Variants in VXN observed in about 807,000 individuals in gnomAD.
VXN encodes the protein uncharacterized protein C8orf46.
In VXN, 7 loss-of-function variants were observed where a neutral mutation model predicts 23.1. The ratio of observed to expected loss-of-function variants is 0.30; its 90% CI spans 0.17 to 0.57. VXN has a LOEUF of 0.57. VXN is among the 20% of genes least tolerant of loss of function. VXN has a pLI of 0.91. For synonymous variants in VXN, 120 were observed against 105.8 expected (o/e 1.13, Z -0.83); for missense variants, 238 against 272.6 (o/e 0.87, Z 0.89).
intron 2 of VXN, among the ~76,000 whole-genome samples, chr8:66,497,005 C>T (rs1807634495): frequency 6.6e-6 from 1 of 152,218 alleles, no homozygotes; most frequent in Non-Finnish European, 1.5e-5. Flanking sequence ...CTGCCTCAGC[C>T]TCCCAAGTAG....
At chr8:66,500,510 A>G (rs1455516422) in intron 2 of VXN, among the ~76,000 whole-genome samples, 1 of 152,166 alleles carries the variant, frequency 6.6e-6, no homozygotes, top group African/African-American at 2.4e-5. Flanking sequence ...ACTTTTGCCT[A>G]TATTTCTCTC....
chr8:66,509,142 C>T (rs1404726534), intron 3 of VXN, among the ~76,000 whole-genome samples: 1 of 152,182 alleles, frequency 6.6e-6, no homozygotes, highest in African/African-American at 2.4e-5. Flanking sequence ...ATAGTTTAAT[C>T]TTGGTAGTCT....
chr8:66,513,681 G>C (rs759241081), intron 5 of VXN, 44 bp downstream of exon 5: 15 of 1,526,906 alleles, frequency 9.8e-6, no homozygotes, highest in Admixed American at 5.3e-5. Flanking sequence ...GCCTCCCACT[G>C]TCCTGATCCT....
chr8:66,503,708 A>G (rs558521719), intron 2 of VXN, among the ~76,000 whole-genome samples: 5 of 152,156 alleles, frequency 3.3e-5, no homozygotes, highest in Admixed American at 6.5e-5. Context: ...TCAGGATGCT[A>G]AAGAGCCTCT....
In VXN at chr8:66,510,194, G is replaced by C. The variant is rs192379475; in HGVS notation, c.342+37G>C. 2.1e-5 allele frequency: 32 copies of C among 1,530,054 alleles called. No homozygotes were observed. In the East Asian group the frequency reaches 4.5e-4, roughly 22 times the overall value. The allele number at this position is 1,530,054 out of a possible 1,614,324, so 94.8% of individuals were successfully genotyped here. On this transcript the variant is annotated intron_variant, in intron 4 of 5. Coordinates refer to ENST00000305454, the MANE Select transcript of VXN (RefSeq NM_152765.4). The stretch of plus-strand genomic sequence containing the variant: ...AAGCCTGCTTAGTTGTATCTGTTGT[G>C]CATTAAACTTCTGGTCATGTCTGAT...
chr8:66,505,312 G>C, intron 2 of VXN, 63 bp from the exon 3 acceptor site: 1 of 1,550,556 alleles, frequency 6.4e-7, no homozygotes, highest in South Asian at 1.2e-5. Context: ...CCTGCCCTGG[G>C]GTTCCATGGG....
intron 2 of VXN, among the ~76,000 whole-genome samples, chr8:66,500,795 T>G (rs147938816): frequency 4.6e-4 from 70 of 152,240 alleles, no homozygotes; most frequent in African/African-American, 1.5e-3. Flanking sequence ...AGTTTTCAGT[T>G]TCTGTTCTGT....
intron 3 of VXN, among the ~76,000 whole-genome samples, chr8:66,506,416 A>AT (rs534690802): frequency 4.7e-5 from 7 of 149,992 alleles, no homozygotes; most frequent in African/African-American, 7.3e-5. Context: ...CTTGGATGCT[A>AT]TTTTTTTTTA....
At position 66,513,686 on chromosome 8, in the gene VXN, G is replaced by C. The variant is rs543804015; in HGVS notation, c.440+49G>C. The C allele has an allele frequency of 3.8e-5, 58 of 1,508,224 alleles. 1 individual carries two copies. The South Asian group carries it at 6.4e-4, about 17-fold the overall frequency. 93.4% of individuals were successfully genotyped at this position (1,508,224 alleles called of 1,614,324 possible). ...ACTGCCTGTGGCCTCCCACTGTCCT[G>C]ATCCTTCCTTCCCCAGAAGAGCACC... On this transcript the variant is annotated intron_variant, in intron 5 of 5. Coordinates refer to ENST00000305454, the MANE Select transcript of VXN (RefSeq NM_152765.4).
At position 66,496,437 on chromosome 8, in the gene VXN, T is replaced by C; in HGVS notation, c.71T>C (p.Val24Ala). The C allele has an allele frequency of 3.1e-6, 5 of 1,614,078 alleles. No individual in the cohort carries two copies. Among genetic ancestry groups the C allele is most frequent in the Non-Finnish European group, 3.4e-6 (4 of 1,179,906 alleles). ...CATTTCTTTCTCTCTGTCTTTGCAG[T>C]ATCCAGTCCAGCCAGAAGAAGAGCC... is the stretch of plus-strand genomic sequence containing the variant. ...EVFTTVIPSK[V>A]SSPARRRAKS... is the part of the protein sequence containing the mutation. Residue 24 changes from valine (V) to alanine (A), a missense_variant and splice_region_variant, in exon 2 of 6, where the codon GTA (valine) becomes GCA (alanine). Coordinates refer to ENST00000305454, the MANE Select transcript of VXN (RefSeq NM_152765.4).
intron 5 of VXN, among the ~76,000 whole-genome samples, chr8:66,515,215 G>A (rs1438803083): frequency 6.6e-6 from 1 of 152,158 alleles, no homozygotes; most frequent in Non-Finnish European, 1.5e-5. Context: ...GCGTTGCAAA[G>A]GGTTCTAAAT....
intron 4 of VXN, among the ~76,000 whole-genome samples, chr8:66,510,658 T>A (rs941401156): frequency 2.0e-5 from 3 of 152,206 alleles, no homozygotes; most frequent in Non-Finnish European, 4.4e-5. Flanking sequence ...GGCTGGGAAG[T>A]CCAAGATCAA....
chr8:66,496,512 G>C lies in VXN; in HGVS notation c.126+20G>C. 1.2e-6 allele frequency: 2 copies of C among 1,612,098 alleles called. No individual in the cohort carries two copies. Among genetic ancestry groups the C allele is most frequent in the Non-Finnish European group, 1.7e-6 (2 of 1,178,194 alleles). On this transcript the variant is annotated intron_variant, in intron 2 of 5. Coordinates refer to ENST00000305454, the MANE Select transcript of VXN (RefSeq NM_152765.4). Reference sequence around the variant, plus strand: ...AAGAATGTAAGGAAACTTTAGTTTTGATGTTCTTTGGTTGACTTTCATTTA... The same window carrying C: ...AAGAATGTAAGGAAACTTTAGTTTTCATGTTCTTTGGTTGACTTTCATTTA...
chr8:66,505,156 C>A, intron 2 of VXN: 1 of 708,630 alleles, frequency 1.4e-6, no homozygotes, highest in South Asian at 1.5e-5. Context: ...ATTTGCTTGC[C>A]CCATGGCACC....
Position 66,515,875 on chromosome 8 carries a change from C to T in VXN, c.441-18C>T, listed in dbSNP as rs778310038. ...GTGAGCAGACCACCCTCCCCACCCA[C>T]TCCTGGCTTTTCTTTAGATCCAGAC... On this transcript the variant is annotated intron_variant, in intron 5 of 5. Transcript: ENST00000305454. The T allele has an allele frequency of 3.9e-6, 6 of 1,556,102 alleles. No individual in the cohort carries two copies. The highest frequency in any genetic ancestry group is 1.7e-4 in the Middle Eastern group (1 of 5,832).
At position 66,515,983 on chromosome 8, in the gene VXN, C is replaced by A. The variant is rs16932952; in HGVS notation, c.531C>A (p.Cys177Ter). The A allele has an allele frequency of 6.2e-7, 1 of 1,613,788 alleles. No individual in the cohort carries two copies. The highest frequency in any genetic ancestry group is 8.5e-7 in the Non-Finnish European group (1 of 1,179,936). The change falls in exon 6 of 6, where the codon TGC becomes TGA. Residue 177 changes from cysteine to a stop codon, truncating the protein, a stop_gained. Transcript: ENST00000305454. LOFTEE classifies it high-confidence loss of function. Reference sequence around the variant, plus strand: ...TACCACTGACAGGCAGTGCTTCCTGCGGCGTCCCCGGCATCCTCCGGAAAA... The same window carrying A: ...TACCACTGACAGGCAGTGCTTCCTGAGGCGTCCCCGGCATCCTCCGGAAAA... The part of the protein sequence containing the change: ...ASLPLTGSAS[C>*]GVPGILRKMW...
chr8:66,505,509 C>A lies in VXN; in HGVS notation c.261C>A (p.Ala87=), dbSNP rs1807742099. 5.2e-6 allele frequency: 8 copies of A among 1,539,604 alleles called. No individual in the cohort carries two copies. Among genetic ancestry groups the A allele is most frequent in the Non-Finnish European group, 7.0e-6 (8 of 1,146,510 alleles). ...QTARPPTAHP[A]KASARPVGIS... ...CGCGGCCGCCCACAGCCCACCCGGC[C>A]AAAGCCTCTGCCAGACCCGGTACGT... Residue 87 remains alanine (A), a synonymous_variant, in exon 3 of 6, where the codon GCC becomes GCA. Coordinates refer to ENST00000305454, the MANE Select transcript of VXN (RefSeq NM_152765.4).
chr8:66,493,829 T>A (rs1034492589), intron 1 of VXN, 111 bp downstream of exon 1: 22 of 834,954 alleles, frequency 2.6e-5, no homozygotes, highest in Non-Finnish European at 4.1e-5. Flanking sequence ...TGGGGTCTGA[T>A]GGACTCTCGG....
chr8:66,498,069 G>A (rs1018228600), intron 2 of VXN, among the ~76,000 whole-genome samples: 14 of 151,974 alleles, frequency 9.2e-5, no homozygotes, highest in Non-Finnish European at 1.8e-4. Context: ...TCAGGAGGCT[G>A]AGGCAGGAGA....
Sources: allele counts gnomAD v4.1 joint callset (sites outside exome capture counted in the v4.1 genomes callset), GRCh38; gene constraint gnomAD v4.1.1; transcripts MANE v1.5; gene names NCBI Gene and HGNC (gene_info 2026-07-23, HGNC 2026-07-21).